The following CDYL2 variants were observed in gnomAD, a reference collection of about 807,000 sequenced individuals.
The protein encoded by CDYL2 is chromodomain Y-like protein 2.
A neutral mutation model predicts 49.4 loss-of-function variants in CDYL2; 23 were observed. The observed-to-expected ratio is 0.47, with a 90% CI of 0.34 to 0.66. The LOEUF is 0.66. Ranked by LOEUF, CDYL2 falls within the 30% of genes least tolerant of loss-of-function variation. The probability of loss-of-function intolerance (pLI) is 0.01; values close to 1 mark genes in which losing one functional copy is unlikely to be tolerated. For missense variants in CDYL2, 678 were observed against 656.4 expected, an observed-to-expected ratio of 1.03 and a Z score of -0.36; for synonymous variants, 360 against 268.8, an observed-to-expected ratio of 1.34 and a Z score of -3.32.
chr16:80,619,534 C>T (rs567605916), intron 4 of CDYL2, among the ~76,000 whole-genome samples: 1 of 152,198 alleles, frequency 6.6e-6, no homozygotes, highest in Non-Finnish European at 1.5e-5. Flanking sequence ...TGGATGGGCT[C>T]TGGTGGCCTC....
At chr16:80,716,258 A>C (rs1904795117) in intron 1 of CDYL2, among the ~76,000 whole-genome samples, 1 of 152,256 alleles carries the variant, frequency 6.6e-6, no homozygotes, top group Non-Finnish European at 1.5e-5. Context: ...CCAAGTACTT[A>C]CATCATAATT....
chr16:80,737,668 T>G (rs1051129965), intron 1 of CDYL2, among the ~76,000 whole-genome samples: 4 of 152,130 alleles, frequency 2.6e-5, no homozygotes, highest in Non-Finnish European at 2.9e-5. Flanking sequence ...TGCATCAGGA[T>G]CAGGTGAAGG....
chr16:80,801,921 C>A (rs1907938222), intron 1 of CDYL2, among the ~76,000 whole-genome samples: 1 of 152,134 alleles, frequency 6.6e-6, no homozygotes, highest in Non-Finnish European at 1.5e-5. Context: ...TCGTTATATT[C>A]TCGTAATGCA....
chr16:80,624,940 G>T (rs938887789), intron 3 of CDYL2, among the ~76,000 whole-genome samples: 1 of 152,130 alleles, frequency 6.6e-6, no homozygotes, highest in African/African-American at 2.4e-5. Flanking sequence ...AGAGATTAAA[G>T]ACAAGAATGC....
intron 1 of CDYL2, among the ~76,000 whole-genome samples, chr16:80,757,560 A>T (rs1906356882): frequency 1.3e-5 from 2 of 150,202 alleles, no homozygotes; most frequent in Non-Finnish European, 3.0e-5. Context: ...AAAAATATAT[A>T]TATATATACA....
At chr16:80,763,732 G>T (rs7198320) in intron 1 of CDYL2, among the ~76,000 whole-genome samples, 2,745 of 152,298 alleles carry the variant, frequency 0.018, 82 homozygotes, top group African/African-American at 0.062. Context: ...GTACAATCTG[G>T]AGTCCCAAAA....
In CDYL2 at chr16:80,633,035, T is replaced by C. The variant is rs1450743623; in HGVS notation, c.818A>G (p.Asn273Ser). The C allele has an allele frequency of 4.3e-6, 7 of 1,613,990 alleles. No individual in the cohort carries two copies. Among genetic ancestry groups the C allele is most frequent in the African/African-American group, 1.3e-5 (1 of 74,942 alleles). The change falls in exon 3 of 7, where the codon AAT (asparagine) becomes AGT (serine). Residue 273 changes from asparagine (N) to serine (S), a missense_variant. This residue lies in a region of CDYL2 where 478 missense variants were observed against 427.0 expected (regional missense o/e 1.12). Coordinates refer to ENST00000570137, the MANE Select transcript of CDYL2 (RefSeq NM_152342.4). Reference sequence around the variant, plus strand: ...ACCCCTTACCTCAGGTGTCAGGGCATTGTTATCCGAGGTCTGACTGGACAG... The same window carrying C: ...ACCCCTTACCTCAGGTGTCAGGGCACTGTTATCCGAGGTCTGACTGGACAG... ...ILLSSQTSDN[N>S]ALTPEIMKEV...
chr16:80,732,190 A>G (rs1415899150), intron 1 of CDYL2, among the ~76,000 whole-genome samples: 1 of 152,222 alleles, frequency 6.6e-6, no homozygotes, highest in Non-Finnish European at 1.5e-5. Flanking sequence ...GAAGTACCAC[A>G]TTTCACTGAT....
At chr16:80,748,540 A>AAAAT (rs1906018424) in intron 1 of CDYL2, among the ~76,000 whole-genome samples, 1 of 140,106 alleles carries the variant, frequency 7.1e-6, no homozygotes, top group African/African-American at 2.6e-5. Context: ...AAAAAAAAAA[A>AAAAT]CTCAGGTGGG....
At chr16:80,642,824 T>C (rs1298963408) in intron 2 of CDYL2, among the ~76,000 whole-genome samples, 3 of 152,140 alleles carry the variant, frequency 2.0e-5, no homozygotes, top group South Asian at 4.2e-4. Context: ...TCCCACTGGG[T>C]CCCTCCCACA....
intron 1 of CDYL2, among the ~76,000 whole-genome samples, chr16:80,705,332 G>GATTCCT (rs2142505599): frequency 6.6e-6 from 1 of 152,328 alleles, no homozygotes; most frequent in South Asian, 2.1e-4. Context: ...TCTGGCCAAA[G>GATTCCT]GCCACTTTTG....
intron 1 of CDYL2, among the ~76,000 whole-genome samples, chr16:80,712,097 A>ATATAGATGTGTGTGTATATATG (rs1904624930): frequency 2.1e-5 from 3 of 145,270 alleles, no homozygotes; most frequent in Admixed American, 6.8e-5. Flanking sequence ...GTGTATATAT[A>ATATAGATGTGTGTGTATATATG]TGTGTATATA....
intron 1 of CDYL2, among the ~76,000 whole-genome samples, chr16:80,721,927 G>A (rs1016959834): frequency 5.3e-5 from 8 of 152,150 alleles, no homozygotes; most frequent in Non-Finnish European, 1.0e-4. Context: ...CAGGCACAGC[G>A]ACGAAGAGGT....
At chr16:80,792,544 G>A (rs918731242) in intron 1 of CDYL2, among the ~76,000 whole-genome samples, 1 of 152,150 alleles carries the variant, frequency 6.6e-6, no homozygotes, top group Admixed American at 6.5e-5. Context: ...ACAAGAAGCT[G>A]CAAATGACAA....
chr16:80,677,473 G>A (rs757997028), intron 2 of CDYL2, among the ~76,000 whole-genome samples: 5 of 152,036 alleles, frequency 3.3e-5, no homozygotes, highest in East Asian at 2.0e-4. Context: ...GCGCAGTGGC[G>A]CACGCCTGGA....
intron 1 of CDYL2, among the ~76,000 whole-genome samples, chr16:80,802,799 T>A (rs569335957): frequency 6.6e-6 from 1 of 152,170 alleles, no homozygotes; most frequent in Non-Finnish European, 1.5e-5. Context: ...TGAAAAAGCT[T>A]CAACTGCCCA....
intron 1 of CDYL2, among the ~76,000 whole-genome samples, chr16:80,801,904 T>C (rs576793577): frequency 6.6e-6 from 1 of 152,342 alleles, no homozygotes; most frequent in South Asian, 2.1e-4. Flanking sequence ...TATAAAAATG[T>C]TGACATTCGT....
intron 1 of CDYL2, among the ~76,000 whole-genome samples, chr16:80,800,632 AC>A (rs1309089551): frequency 6.6e-6 from 1 of 152,096 alleles, no homozygotes; most frequent in Non-Finnish European, 1.5e-5. Flanking sequence ...AGCCACCCCT[AC>A]ACACGGTTTT....
chr16:80,759,538 T>C (rs1331640830), intron 1 of CDYL2, among the ~76,000 whole-genome samples: 3 of 151,992 alleles, frequency 2.0e-5, no homozygotes, highest in Non-Finnish European at 1.5e-5. Context: ...GCTGAATCAG[T>C]GGGCAGGAAA....
Sources: gnomAD v4.1 joint callset for allele counts (sites outside exome capture counted in the v4.1 genomes callset) on GRCh38, gnomAD v4.1.1 for gene constraint, gnomAD v4.1.1 regional missense constraint, MANE v1.5 for transcripts, NCBI Gene and HGNC (gene_info 2026-07-23, HGNC 2026-07-21) for gene names.